Variants in PREX2 observed in about 807,000 individuals in gnomAD.
The protein encoded by PREX2 is phosphatidylinositol-3,4,5-trisphosphate dependent Rac exchange factor 2.
A neutral mutation model predicts 203.2 loss-of-function variants in PREX2; 107 were observed. That is an observed-to-expected ratio of 0.53 (90% CI 0.45 to 0.62). PREX2 has a LOEUF of 0.62. Among genes scored for constraint, PREX2 ranks in the 20% least tolerant of loss-of-function variants. The probability of loss-of-function intolerance (pLI) is 0.00; values close to 1 mark genes in which losing one functional copy is unlikely to be tolerated. For synonymous variants in PREX2, 672 were observed against 663.6 expected (o/e 1.01, Z -0.19); for missense variants, 1,777 against 1,955.9 (o/e 0.91, Z 1.72).
At chr8:68,141,346 T>TG (rs1284843873) in intron 33 of PREX2, among the ~76,000 whole-genome samples, 1 of 152,182 alleles carries the variant, frequency 6.6e-6, no homozygotes, top group Admixed American at 6.5e-5. Context: ...TATCCTTATA[T>TG]GGGCCAGGCA....
At chr8:68,020,994 T>C (rs567803342) in intron 3 of PREX2, among the ~76,000 whole-genome samples, 47 of 152,348 alleles carry the variant, frequency 3.1e-4, no homozygotes, top group African/African-American at 1.1e-3. Context: ...AAAATTTCAA[T>C]GGGCGCACTT....
At chr8:68,076,221 T>C (rs749761505) in intron 14 of PREX2, among the ~76,000 whole-genome samples, 5 of 152,008 alleles carry the variant, frequency 3.3e-5, no homozygotes, top group Non-Finnish European at 7.4e-5. Context: ...CTTTGGGAGG[T>C]TGAGGCGAGT....
chr8:68,216,972 A>C (rs186225141), intron 37 of PREX2, among the ~76,000 whole-genome samples: 2,649 of 128,786 alleles, frequency 0.021, 26 homozygotes, highest in Non-Finnish European at 0.03. Flanking sequence ...AAAAAACAAA[A>C]AAAAAAAAAA....
intron 8 of PREX2, among the ~76,000 whole-genome samples, chr8:68,044,904 T>A (rs1808306051): frequency 6.6e-6 from 1 of 152,082 alleles, no homozygotes; most frequent in African/African-American, 2.4e-5. Flanking sequence ...ATGAATGAAT[T>A]TTCTTTAGTT....
chr8:68,112,339 G>C (rs1810550888), intron 25 of PREX2, among the ~76,000 whole-genome samples: 1 of 152,202 alleles, frequency 6.6e-6, no homozygotes. Context: ...TTTTTAAATA[G>C]AGGATTTGTG....
intron 35 of PREX2, among the ~76,000 whole-genome samples, chr8:68,158,959 G>A (rs7843248): frequency 0.3 from 44,795 of 151,840 alleles, 6,907 homozygotes; most frequent in East Asian, 0.5. Flanking sequence ...TCAGAGTATC[G>A]TCAATTTAGT....
Position 67,952,501 on chromosome 8 carries a change from G to C in PREX2, c.107G>C (p.Arg36Pro). ...CTCAGCGAGCTCCAGAAGACCGAGC[G>C]GGACTATGTGGGCACGCTGGAGTTC... Reference protein sequence around the residue: ...CVLSELQKTERDYVGTLEFLV... With the variant: ...CVLSELQKTEPDYVGTLEFLV... The change falls in exon 1 of 40, where the codon CGG becomes CCG. Residue 36 changes from arginine to proline, a missense_variant. By Grantham distance (103) the Arg-to-Pro change is moderately radical (BLOSUM62 -2). Coordinates refer to ENST00000288368, the MANE Select transcript of PREX2 (RefSeq NM_024870.4). The C allele has an allele frequency of 1.2e-6, 2 of 1,610,080 alleles. No individual in the cohort carries two copies. The highest frequency in any genetic ancestry group is 1.7e-6 in the Non-Finnish European group (2 of 1,178,292).
chr8:68,044,679 G>A, intron 8 of PREX2, 89 bp downstream of exon 8: 1 of 911,276 alleles, frequency 1.1e-6, no homozygotes, highest in Non-Finnish European at 1.8e-6. Context: ...TAATTCACCT[G>A]CCATGTATTA....
At chr8:67,977,950 G>A (rs140094988) in intron 1 of PREX2, among the ~76,000 whole-genome samples, 73 of 152,278 alleles carry the variant, frequency 4.8e-4, no homozygotes, top group East Asian at 4.2e-3. Context: ...ATCGGTAAGC[G>A]TAGGTGTTTC....
chr8:68,021,945 C>A, intron 3 of PREX2, 91 bp from the exon 4 acceptor site: 1 of 685,410 alleles, frequency 1.5e-6, no homozygotes, highest in Non-Finnish European at 2.6e-6. Flanking sequence ...ACGTAGTAAA[C>A]ACTCAGTGAA....
intron 14 of PREX2, among the ~76,000 whole-genome samples, chr8:68,074,015 G>T (rs1192899701): frequency 6.6e-6 from 1 of 151,842 alleles, no homozygotes; most frequent in Non-Finnish European, 1.5e-5. Flanking sequence ...TGCCTGGGCT[G>T]GAGTGCAGTG....
chr8:68,142,048 C>A (rs1412290442), intron 33 of PREX2, among the ~76,000 whole-genome samples: 1 of 152,128 alleles, frequency 6.6e-6, no homozygotes, highest in Non-Finnish European at 1.5e-5. Context: ...CCTGTCCCTA[C>A]ACATGTACAG....
chr8:67,953,359 G>A (rs2129016302), intron 1 of PREX2, among the ~76,000 whole-genome samples: 1 of 152,128 alleles, frequency 6.6e-6, no homozygotes, highest in South Asian at 2.1e-4. Flanking sequence ...TTTTAGGGCC[G>A]AAGGGGCAAA....
intron 1 of PREX2, among the ~76,000 whole-genome samples, chr8:67,974,073 T>C (rs1806001744): frequency 6.6e-6 from 1 of 152,210 alleles, no homozygotes; most frequent in South Asian, 2.1e-4. Flanking sequence ...AAGAAAATAT[T>C]CTATGAATTA....
intron 1 of PREX2, chr8:67,952,828 T>G: frequency 4.1e-6 from 2 of 491,914 alleles, no homozygotes; most frequent in Non-Finnish European, 3.7e-6. Context: ...CTGCCCTATC[T>G]TCCCTCACTT....
intron 37 of PREX2, among the ~76,000 whole-genome samples, chr8:68,197,956 A>G (rs949581432): frequency 3.2e-4 from 48 of 151,980 alleles, no homozygotes; most frequent in African/African-American, 2.2e-4. Flanking sequence ...ATAAGAAACT[A>G]CAGAGCGGCA....
At chr8:68,090,757 G>A (rs1206470613) in intron 20 of PREX2, 42 bp downstream of exon 20, 19 of 1,559,100 alleles carry the variant, frequency 1.2e-5, no homozygotes, top group Non-Finnish European at 1.7e-5. Flanking sequence ...GTGACTACTT[G>A]CATAAAGACC....
chr8:68,186,589 C>T (rs1466438476), intron 35 of PREX2, among the ~76,000 whole-genome samples: 7 of 152,192 alleles, frequency 4.6e-5, no homozygotes, highest in Non-Finnish European at 7.3e-5. Context: ...TCTCAGCTCA[C>T]TGCAACCTCT....
chr8:68,174,587 G>A (rs949072710), intron 35 of PREX2, among the ~76,000 whole-genome samples: 1 of 152,012 alleles, frequency 6.6e-6, no homozygotes, highest in Non-Finnish European at 1.5e-5. Flanking sequence ...TTTCCCCACT[G>A]AGGTCTTCCT....
Sources: gnomAD v4.1 joint callset for allele counts (sites outside exome capture counted in the v4.1 genomes callset) on GRCh38, gnomAD v4.1.1 for gene constraint, MANE v1.5 for transcripts, NCBI Gene and HGNC (gene_info 2026-07-23, HGNC 2026-07-21) for gene names.